The following ZFAND3 variants were observed in gnomAD, a reference collection of about 807,000 sequenced individuals.
The protein encoded by ZFAND3 is zinc finger AN1-type containing 3.
A neutral mutation model predicts 29.6 loss-of-function variants in ZFAND3; 10 were observed. The observed-to-expected ratio is 0.34, with a 90% CI of 0.21 to 0.57. The LOEUF is 0.57. Among genes scored for constraint, ZFAND3 ranks in the 20% least tolerant of loss-of-function variants. ZFAND3 has a pLI of 0.86. For synonymous variants in ZFAND3, 128 were observed against 112.6 expected, an observed-to-expected ratio of 1.14 and a Z score of -0.87; for missense variants, 230 against 304.5, an observed-to-expected ratio of 0.76 and a Z score of 1.82.
At chr6:38,151,031 C>T (rs1023317428) in intron 5 of ZFAND3, among the ~76,000 whole-genome samples, 29 of 152,182 alleles carry the variant, frequency 1.9e-4, no homozygotes, top group African/African-American at 7.0e-4. Context: ...ATCTTGTTCT[C>T]CCCAGCGTTT....
At chr6:37,842,919 T>A (rs1022684874) in intron 1 of ZFAND3, among the ~76,000 whole-genome samples, 2 of 150,706 alleles carry the variant, frequency 1.3e-5, no homozygotes, top group East Asian at 2.0e-4. Context: ...GTCTGGAGTT[T>A]GATACCAGCC....
At chr6:38,094,937 G>C (rs1764947058) in intron 4 of ZFAND3, among the ~76,000 whole-genome samples, 3 of 151,966 alleles carry the variant, frequency 2.0e-5, no homozygotes. Flanking sequence ...CATTTCCTTT[G>C]AGCACCATGT....
At chr6:38,132,820 C>G (rs1244096962) in intron 5 of ZFAND3, among the ~76,000 whole-genome samples, 1 of 152,154 alleles carries the variant, frequency 6.6e-6, no homozygotes, top group Non-Finnish European at 1.5e-5. Flanking sequence ...TTCCTCTACC[C>G]AGCTTAAACT....
At chr6:38,149,288 T>C (rs959921869) in intron 5 of ZFAND3, among the ~76,000 whole-genome samples, 3 of 151,990 alleles carry the variant, frequency 2.0e-5, no homozygotes, top group African/African-American at 7.2e-5. Context: ...TGATGTGTGC[T>C]TGTAGTTGCG....
At chr6:37,863,493 C>T (rs924237889) in intron 1 of ZFAND3, among the ~76,000 whole-genome samples, 2 of 152,166 alleles carry the variant, frequency 1.3e-5, no homozygotes, top group African/African-American at 4.8e-5. Context: ...TTCACCCTGA[C>T]TCTTCAAATG....
chr6:38,136,638 A>C (rs1439394185), intron 5 of ZFAND3, among the ~76,000 whole-genome samples: 1 of 152,198 alleles, frequency 6.6e-6, no homozygotes, highest in Non-Finnish European at 1.5e-5. Flanking sequence ...TGGCTACCAC[A>C]GGTGAAGATG....
At chr6:37,853,332 A>C (rs1157946558) in intron 1 of ZFAND3, among the ~76,000 whole-genome samples, 1 of 151,584 alleles carries the variant, frequency 6.6e-6, no homozygotes, top group African/African-American at 2.4e-5. Context: ...TCCCAGGAGC[A>C]CAAACTTAGA....
At chr6:37,823,636 C>A (rs1263749339) in intron 1 of ZFAND3, among the ~76,000 whole-genome samples, 2 of 152,138 alleles carry the variant, frequency 1.3e-5, no homozygotes, top group African/African-American at 2.4e-5. Flanking sequence ...CAGTTCTCTC[C>A]CTCTTGGCTT....
At chr6:37,887,668 C>T (rs1765020618) in intron 1 of ZFAND3, among the ~76,000 whole-genome samples, 1 of 152,138 alleles carries the variant, frequency 6.6e-6, no homozygotes, top group Non-Finnish European at 1.5e-5. Context: ...CGTAAATATA[C>T]CATGTATGCA....
At chr6:37,875,178 T>G (rs1034504734) in intron 1 of ZFAND3, among the ~76,000 whole-genome samples, 2 of 152,170 alleles carry the variant, frequency 1.3e-5, no homozygotes, top group African/African-American at 4.8e-5. Flanking sequence ...CAAATACCAT[T>G]TTTGTGTTAT....
intron 1 of ZFAND3, among the ~76,000 whole-genome samples, chr6:37,929,671 A>G (rs1761555504): frequency 6.6e-6 from 1 of 152,198 alleles, no homozygotes; most frequent in South Asian, 2.1e-4. Context: ...ACTTGCTGCT[A>G]TATAAGCTGC....
At chr6:37,823,647 G>A (rs1561900986) in intron 1 of ZFAND3, among the ~76,000 whole-genome samples, 1 of 152,198 alleles carries the variant, frequency 6.6e-6, no homozygotes, top group Non-Finnish European at 1.5e-5. Context: ...CTCTTGGCTT[G>A]TATGGTATAA....
chr6:37,991,214 A>C (rs1014746473), intron 2 of ZFAND3, among the ~76,000 whole-genome samples: 1 of 151,874 alleles, frequency 6.6e-6, no homozygotes, highest in Non-Finnish European at 1.5e-5. Context: ...CAGCGTCTTG[A>C]CTCATTGGAC....
At chr6:37,850,415 C>CATGTAT (rs1296379323) in intron 1 of ZFAND3, among the ~76,000 whole-genome samples, 8 of 152,272 alleles carry the variant, frequency 5.3e-5, no homozygotes, top group Admixed American at 5.2e-4. Context: ...TAAGTCACTG[C>CATGTAT]CCTCATGTAT....
At chr6:37,913,707 T>TC (rs1765563546) in intron 1 of ZFAND3, among the ~76,000 whole-genome samples, 1 of 142,116 alleles carries the variant, frequency 7.0e-6, no homozygotes, top group South Asian at 2.2e-4. Flanking sequence ...GCAGCTATAT[T>TC]CTTTTTTTTT....
At chr6:38,026,098 A>G (rs1013096139) in intron 2 of ZFAND3, among the ~76,000 whole-genome samples, 2 of 152,216 alleles carry the variant, frequency 1.3e-5, no homozygotes, top group Admixed American at 1.3e-4. Flanking sequence ...CTTAAAATAT[A>G]AATTATTGAC....
intron 2 of ZFAND3, among the ~76,000 whole-genome samples, chr6:37,969,658 T>A (rs1561950972): frequency 6.6e-6 from 1 of 152,170 alleles, no homozygotes; most frequent in Non-Finnish European, 1.5e-5. Flanking sequence ...TCAGGGAATG[T>A]CTGTATACAA....
chr6:38,125,217 C>T (rs1765612768), intron 5 of ZFAND3, among the ~76,000 whole-genome samples: 1 of 152,220 alleles, frequency 6.6e-6, no homozygotes, highest in Admixed American at 6.5e-5. Flanking sequence ...CTGTATTCCC[C>T]ATTTAATCTT....
At chr6:38,061,479 A>G (rs2127463533) in intron 2 of ZFAND3, 114 bp from the exon 3 acceptor site, 2 of 1,270,982 alleles carry the variant, frequency 1.6e-6, no homozygotes, top group East Asian at 2.5e-5. Flanking sequence ...AGTCACCCAG[A>G]TCAGTCTTTA....
Sources: gnomAD v4.1 joint callset for allele counts (sites outside exome capture counted in the v4.1 genomes callset) on GRCh38, gnomAD v4.1.1 for gene constraint, MANE v1.5 for transcripts, NCBI Gene and HGNC (gene_info 2026-07-23, HGNC 2026-07-21) for gene names.